FAT3: variants seen among roughly 807,000 people sequenced by gnomAD.
The protein encoded by FAT3 is FAT atypical cadherin 3.
A neutral mutation model predicts 310.2 loss-of-function variants in FAT3; 95 were observed. The observed-to-expected ratio is 0.31, with a 90% confidence interval of 0.26 to 0.36. The LOEUF (loss-of-function observed/expected upper bound fraction) is 0.36. FAT3 is among the 10% of genes least tolerant of loss of function. The pLI, the probability that FAT3 is intolerant of heterozygous loss-of-function variation, is 1.00. For synonymous variants in FAT3, 2,314 were observed against 2,192.9 expected (o/e 1.06, Z -1.54); for missense variants, 5,408 against 5,715.6 (o/e 0.95, Z 1.74).
At chr11:92,418,811 C>T (rs917749281) in intron 2 of FAT3, among the ~76,000 whole-genome samples, 5 of 152,114 alleles carry the variant, frequency 3.3e-5, no homozygotes, top group African/African-American at 1.2e-4. Flanking sequence ...ATGGGCATAT[C>T]TTGCTGGGAA....
At chr11:92,550,576 C>T (rs1954776410) in intron 3 of FAT3, among the ~76,000 whole-genome samples, 1 of 152,100 alleles carries the variant, frequency 6.6e-6, no homozygotes, top group African/African-American at 2.4e-5. Context: ...ACCTGAGTAG[C>T]CTCTCTGCAG....
chr11:92,383,419 C>T (rs1949545920), intron 2 of FAT3, among the ~76,000 whole-genome samples: 1 of 152,176 alleles, frequency 6.6e-6, no homozygotes, highest in African/African-American at 2.4e-5. Flanking sequence ...ATGTGCAGAC[C>T]ACAGTTTAAG....
At chr11:92,259,398 T>G (rs1865444758) in intron 1 of FAT3, among the ~76,000 whole-genome samples, 1 of 152,078 alleles carries the variant, frequency 6.6e-6, no homozygotes, top group South Asian at 2.1e-4. Context: ...CTTTGACACT[T>G]AAGATGGCAA....
At chr11:92,242,314 C>G (rs1864698676) in intron 1 of FAT3, among the ~76,000 whole-genome samples, 1 of 152,058 alleles carries the variant, frequency 6.6e-6, no homozygotes, top group Non-Finnish European at 1.5e-5. Context: ...CTGATAAAGA[C>G]AGGTTTTCTT....
chr11:92,350,354 A>ATT (rs753277127), intron 1 of FAT3, among the ~76,000 whole-genome samples: 1 of 97,780 alleles, frequency 1.0e-5, no homozygotes, highest in Non-Finnish European at 2.1e-5. Context: ...TCCTGTAGGG[A>ATT]TTTTTTTTTT....
intron 21 of FAT3, among the ~76,000 whole-genome samples, 168 bp from the exon 22 acceptor site, chr11:92,866,573 G>T (rs1949251842): frequency 6.6e-6 from 1 of 152,184 alleles, no homozygotes; most frequent in Admixed American, 6.5e-5. Context: ...AGGTAAGGGG[G>T]AGGCACAGTG....
chr11:92,504,379 A>C (rs1038699768), intron 2 of FAT3, among the ~76,000 whole-genome samples: 2 of 152,108 alleles, frequency 1.3e-5, no homozygotes, highest in African/African-American at 4.8e-5. Context: ...GTCTCTGCTC[A>C]GCACTCAACT....
chr11:92,733,281 A>C (rs775629491), intron 4 of FAT3, among the ~76,000 whole-genome samples: 3 of 152,154 alleles, frequency 2.0e-5, no homozygotes, highest in Non-Finnish European at 4.4e-5. Context: ...GGGAAGACTC[A>C]AGTGAACTGG....
At chr11:92,314,917 G>A (rs370548228) in intron 1 of FAT3, among the ~76,000 whole-genome samples, 1 of 152,244 alleles carries the variant, frequency 6.6e-6, no homozygotes, top group African/African-American at 2.4e-5. Context: ...ACATGATCAT[G>A]CTTTGAACTT....
At chr11:92,480,481 G>C (rs886639718) in intron 2 of FAT3, among the ~76,000 whole-genome samples, 7 of 152,098 alleles carry the variant, frequency 4.6e-5, no homozygotes, top group Non-Finnish European at 5.9e-5. Flanking sequence ...GCATTGGTGA[G>C]TTTTTTTCTG....
intron 2 of FAT3, among the ~76,000 whole-genome samples, chr11:92,453,746 A>G (rs1951424148): frequency 6.6e-6 from 1 of 152,116 alleles, no homozygotes; most frequent in Non-Finnish European, 1.5e-5. Flanking sequence ...TTTTCCCCCA[A>G]GTAACAACTG....
intron 2 of FAT3, chr11:92,408,130 C>G (rs1591243823): frequency 6.6e-6 from 1 of 152,312 alleles, no homozygotes; most frequent in Admixed American, 6.6e-5. Context: ...GGCTCTCCTT[C>G]TGGCTGCTAG....
intron 2 of FAT3, among the ~76,000 whole-genome samples, chr11:92,402,326 GAC>G (rs371919379): frequency 1.7e-4 from 26 of 152,250 alleles, no homozygotes; most frequent in African/African-American, 5.3e-4. Flanking sequence ...GGAAAAAAGA[GAC>G]AGAAAATTCA....
chr11:92,320,223 A>G (rs1947575591), intron 1 of FAT3, among the ~76,000 whole-genome samples: 1 of 152,160 alleles, frequency 6.6e-6, no homozygotes, highest in South Asian at 2.1e-4. Flanking sequence ...AATAAAACAC[A>G]TTTGGGAGAT....
At chr11:92,829,201 T>C (rs141670049) in intron 13 of FAT3, among the ~76,000 whole-genome samples, 171 of 152,346 alleles carry the variant, frequency 1.1e-3, no homozygotes, top group African/African-American at 3.8e-3. Context: ...TACCTAAAAA[T>C]GCTGGTTGCA....
intron 3 of FAT3, among the ~76,000 whole-genome samples, chr11:92,540,588 A>G (rs143291607): frequency 3.4e-4 from 52 of 152,290 alleles, no homozygotes; most frequent in African/African-American, 1.2e-3. Flanking sequence ...ACTATTGACC[A>G]TGACAGATCT....
intron 2 of FAT3, among the ~76,000 whole-genome samples, chr11:92,467,483 T>C (rs1281517664): frequency 1.3e-5 from 2 of 152,188 alleles, no homozygotes; most frequent in African/African-American, 4.8e-5. Context: ...CCCTACTTTG[T>C]GTAAAGACAG....
chr11:92,649,008 G>T (rs1942271889), intron 3 of FAT3, among the ~76,000 whole-genome samples: 1 of 152,030 alleles, frequency 6.6e-6, no homozygotes. Flanking sequence ...AGTCCCACCT[G>T]CTCCATTTAT....
chr11:92,372,781 C>T (rs1275676941), intron 2 of FAT3, among the ~76,000 whole-genome samples: 1 of 152,078 alleles, frequency 6.6e-6, no homozygotes, highest in Non-Finnish European at 1.5e-5. Context: ...CTGCCTCAGC[C>T]TCCTGAGAAG....
Sources: allele counts gnomAD v4.1 joint callset (sites outside exome capture counted in the v4.1 genomes callset), GRCh38; gene constraint gnomAD v4.1.1; transcripts MANE v1.5; gene names NCBI Gene and HGNC (gene_info 2026-07-23, HGNC 2026-07-21).